Variants in ANXA8 observed in about 807,000 individuals in gnomAD.
The protein encoded by ANXA8 is annexin A8.
ANXA8 carries 9 observed loss-of-function variants against 26.8 expected under a neutral mutation model. The ratio of observed to expected loss-of-function variants is 0.34; its 90% CI spans 0.20 to 0.59. The LOEUF (loss-of-function observed/expected upper bound fraction) is 0.59. Ranked by LOEUF, ANXA8 falls within the 20% of genes least tolerant of loss-of-function variation. ANXA8 has a pLI of 0.84. For missense variants in ANXA8, 83 were observed against 238.5 expected (o/e 0.35, Z 4.29); for synonymous variants, 39 against 94.8 (o/e 0.41, Z 3.42).
chr10:47,940,827 CAA>C, the ANXA8 span, among the ~76,000 whole-genome samples: 1 of 95,656 alleles, frequency 1.0e-5, no homozygotes, highest in Non-Finnish European at 2.0e-5. Context: ...GATTCCATCT[CAA>C]AAAAAAAAAA....
the ANXA8 span, chr10:47,551,811 C>A: frequency 6.6e-6 from 5 of 755,094 alleles, no homozygotes; most frequent in Admixed American, 3.2e-5. Context: ...CTCTTCTGGG[C>A]ATTTTCTTAG....
the ANXA8 span, among the ~76,000 whole-genome samples, chr10:47,559,639 TG>T: frequency 1.2e-3 from 186 of 152,060 alleles, 2 homozygotes; most frequent in African/African-American, 4.3e-3. Context: ...TAAAATTTTT[TG>T]TTTTTCAGAT....
At chr10:47,980,334 G>C in the ANXA8 span, among the ~76,000 whole-genome samples, 21 of 151,462 alleles carry the variant, frequency 1.4e-4, no homozygotes, top group Admixed American at 7.9e-4. Context: ...GAAAGATCTC[G>C]ATAACCCAGA....
the ANXA8 span, among the ~76,000 whole-genome samples, chr10:47,968,203 C>A: frequency 1.3e-5 from 2 of 149,810 alleles, 1 homozygote; most frequent in Non-Finnish European, 3.0e-5. Flanking sequence ...CCTGTCATTT[C>A]TCTGGCTCTC....
At chr10:47,664,138 AG>A in the ANXA8 span, among the ~76,000 whole-genome samples, 1 of 151,376 alleles carries the variant, frequency 6.6e-6, no homozygotes, top group East Asian at 1.9e-4. Flanking sequence ...GCACTCTGGG[AG>A]GCCAAGGCAG....
At chr10:47,567,487 G>T in the ANXA8 span, among the ~76,000 whole-genome samples, 1 of 145,590 alleles carries the variant, frequency 6.9e-6, no homozygotes, top group South Asian at 2.3e-4. Context: ...CTGGAGCAGG[G>T]CCAGGGAGGC....
chr10:47,687,264 A>ATT, the ANXA8 span, among the ~76,000 whole-genome samples: 30 of 130,912 alleles, frequency 2.3e-4, no homozygotes, highest in African/African-American at 6.9e-4. Flanking sequence ...TCCCACCAAC[A>ATT]TTTTTTTTTT....
the ANXA8 span, among the ~76,000 whole-genome samples, chr10:47,567,120 T>G: frequency 8.5e-6 from 1 of 118,214 alleles, no homozygotes; most frequent in Non-Finnish European, 1.7e-5. Context: ...GCACAGGGAG[T>G]TCAGGCGCCA....
At chr10:47,665,191 A>C in the ANXA8 span, among the ~76,000 whole-genome samples, 3 of 149,126 alleles carry the variant, frequency 2.0e-5, no homozygotes, top group African/African-American at 7.8e-5. Flanking sequence ...CCCAGGTAAA[A>C]TGTTGATGGC....
the ANXA8 span, among the ~76,000 whole-genome samples, chr10:47,676,200 G>T: frequency 6.6e-6 from 1 of 151,590 alleles, no homozygotes; most frequent in African/African-American, 2.4e-5. Context: ...AATATCAGAT[G>T]GTCTAACATA....
At chr10:47,706,747 T>G in the ANXA8 span, 87 of 1,438,092 alleles carry the variant, frequency 6.0e-5, 17 homozygotes. Flanking sequence ...GTCTTCATGC[T>G]CGGTGATGTG....
the ANXA8 span, chr10:47,581,451 A>G: frequency 8.8e-5 from 47 of 532,552 alleles, 2 homozygotes; most frequent in Non-Finnish European, 1.3e-4. Context: ...AGCCCACAGC[A>G]TACTTACCAT....
chr10:47,955,545 T>C, the ANXA8 span, among the ~76,000 whole-genome samples: 256 of 150,194 alleles, frequency 1.7e-3, 35 homozygotes, highest in East Asian at 0.05. Context: ...CAGGCAACTG[T>C]AACATGGTAA....
At chr10:47,690,849 C>T in the ANXA8 span, 11 of 1,611,538 alleles carry the variant, frequency 6.8e-6, no homozygotes, top group East Asian at 2.5e-4. Context: ...GAAGCTGTAC[C>T]TCTGAAGATA....
At chr10:47,959,902 C>A in the ANXA8 span, among the ~76,000 whole-genome samples, 114 of 151,590 alleles carry the variant, frequency 7.5e-4, no homozygotes, top group Non-Finnish European at 1.4e-3. Flanking sequence ...GATCCAGATG[C>A]CATGCTGTGA....
At chr10:47,986,226 G>A in the ANXA8 span, 2 of 152,632 alleles carry the variant, frequency 1.3e-5, no homozygotes, top group Non-Finnish European at 1.5e-5. Flanking sequence ...AAATACATGA[G>A]GTGGGCTTGT....
the ANXA8 span, among the ~76,000 whole-genome samples, chr10:47,497,140 G>A: frequency 6.7e-6 from 1 of 149,634 alleles, no homozygotes; most frequent in Non-Finnish European, 1.5e-5. Context: ...GATCAACATG[G>A]AGAAACCCCA....
chr10:47,744,547 A>C, the ANXA8 span, among the ~76,000 whole-genome samples: 6 of 151,068 alleles, frequency 4.0e-5, no homozygotes, highest in African/African-American at 1.5e-4. Flanking sequence ...TGAGAAACAT[A>C]CCTCTTGAAA....
the ANXA8 span, among the ~76,000 whole-genome samples, chr10:47,497,502 C>T: frequency 1.4e-5 from 2 of 147,590 alleles, no homozygotes; most frequent in Non-Finnish European, 3.0e-5. Flanking sequence ...GCCTGTAATC[C>T]CAGCTACTCA....
Sources: allele counts gnomAD v4.1 joint callset (sites outside exome capture counted in the v4.1 genomes callset), GRCh38; gene constraint gnomAD v4.1.1; transcripts MANE v1.5; gene names NCBI Gene and HGNC (gene_info 2026-07-23, HGNC 2026-07-21).